Variants in DDX60 observed in about 807,000 individuals in gnomAD.
DDX60 encodes probable ATP-dependent RNA helicase DDX60.
Under a neutral mutation model 212.8 loss-of-function variants are expected in DDX60, and 165 were observed. That is an observed-to-expected ratio of 0.78 (90% CI 0.68 to 0.88). The LOEUF (loss-of-function observed/expected upper bound fraction) is 0.88. Ranked by LOEUF, DDX60 falls within the 40% of genes least tolerant of loss-of-function variation. The pLI, the probability that DDX60 is intolerant of heterozygous loss-of-function variation, is 0.00. For synonymous variants in DDX60, 703 were observed against 685.3 expected, an observed-to-expected ratio of 1.03 and a Z score of -0.40; for missense variants, 1,905 against 2,003.9, an observed-to-expected ratio of 0.95 and a Z score of 0.94.
intron 3 of DDX60, among the ~76,000 whole-genome samples, chr4:168,309,518 C>A (rs1737039344): frequency 6.6e-6 from 1 of 151,796 alleles, no homozygotes; most frequent in Non-Finnish European, 1.5e-5. Context: ...TTTTTTTAAT[C>A]TCACATTGAA....
At chr4:168,243,038 C>T (rs1011559767) in intron 30 of DDX60, among the ~76,000 whole-genome samples, 5 of 152,048 alleles carry the variant, frequency 3.3e-5, no homozygotes, top group African/African-American at 1.2e-4. Flanking sequence ...CTTGCACAAG[C>T]TCTCTCTCTC....
At position 168,270,100 on chromosome 4, in the gene DDX60, C is replaced by G. The variant is rs1279280134; in HGVS notation, c.2671-1131G>C. Among the ~76,000 whole-genome samples, 3 of 152,122 alleles carry G rather than the reference C, an allele frequency of 2.0e-5. No homozygotes were observed. In the East Asian group the frequency reaches 5.8e-4, roughly 29 times the overall value. The stretch of plus-strand genomic sequence containing the variant: ...TTTCTTGATTAAACTGCTGTCAGCT[C>G]CAGTGTCTAATAGATAAGGCATTAA... On this transcript the variant is annotated intron_variant, in intron 19 of 37. Coordinates refer to ENST00000393743, the MANE Select transcript of DDX60 (RefSeq NM_017631.6).
upstream of DDX60, among the ~76,000 whole-genome samples, chr4:168,319,251 T>C (rs1190244687): frequency 1.3e-5 from 2 of 151,972 alleles, no homozygotes; most frequent in African/African-American, 2.4e-5. Flanking sequence ...GCAATAAAAA[T>C]GGGCTTTGGA....
chr4:168,262,218 A>C (rs899236403), intron 23 of DDX60, 90 bp from the exon 24 acceptor site: 3 of 1,405,076 alleles, frequency 2.1e-6, no homozygotes, highest in Admixed American at 2.6e-5. Flanking sequence ...CAGCCTTACA[A>C]GTTTCTTGAG....
At chr4:168,289,767 C>T (rs1736007576) in intron 8 of DDX60, among the ~76,000 whole-genome samples, 2 of 152,108 alleles carry the variant, frequency 1.3e-5, no homozygotes, top group Non-Finnish European at 2.9e-5. Flanking sequence ...TATTTGACTC[C>T]TTCCTTTCCC....
In DDX60 at chr4:168,308,029, G is replaced by A; in HGVS notation, c.241C>T (p.Gln81Ter). 1.3e-6 allele frequency: 2 copies of A among 1,599,346 alleles called. No individual in the cohort carries two copies. Among genetic ancestry groups the A allele is most frequent in the Non-Finnish European group, 1.7e-6 (2 of 1,176,834 alleles). Reference sequence around the variant, plus strand: ...ACCTTGAAGAAAACTATGGTGAATTGTCCTCCTTTGCTAATAAGATCCACA... The same window carrying A: ...ACCTTGAAGAAAACTATGGTGAATTATCCTCCTTTGCTAATAAGATCCACA... The part of the protein sequence containing the change: ...YLVDLISKGG[Q>*]FTIVFFKDAE... Residue 81 changes from glutamine (Q) to a stop codon, truncating the protein, a stop_gained, in exon 4 of 38, where the codon CAA (glutamine) becomes TAA (stop). Transcript: ENST00000393743. LOFTEE classifies it high-confidence loss of function.
upstream of DDX60, among the ~76,000 whole-genome samples, chr4:168,322,398 C>G (rs1404734409): frequency 1.3e-5 from 2 of 152,170 alleles, no homozygotes; most frequent in African/African-American, 4.8e-5. Flanking sequence ...AATCTTGAGT[C>G]TCTTGACTCT....
At chr4:168,251,162 TGTC>T in intron 27 of DDX60, 56 bp from the exon 28 acceptor site, 1 of 1,497,860 alleles carries the variant, frequency 6.7e-7, no homozygotes. Flanking sequence ...TAATTAAAAA[TGTC>T]TAAATGAAAA....
chr4:168,307,225 C>T (rs1736923861), intron 4 of DDX60, among the ~76,000 whole-genome samples: 1 of 152,198 alleles, frequency 6.6e-6, no homozygotes, highest in Admixed American at 6.5e-5. Flanking sequence ...GGCAAGCATT[C>T]AGCCATGTTC....
chr4:168,311,468 C>T, intron 1 of DDX60, 103 bp from the exon 2 acceptor site: 2 of 519,864 alleles, frequency 3.8e-6, no homozygotes, highest in Non-Finnish European at 6.9e-6. Flanking sequence ...CAAGAATGAA[C>T]AAATCAACAT....
intron 22 of DDX60, among the ~76,000 whole-genome samples, chr4:168,264,653 T>C (rs892543586): frequency 2.6e-5 from 4 of 152,230 alleles, no homozygotes; most frequent in African/African-American, 9.6e-5. Flanking sequence ...AGATTTCTTA[T>C]GAGAATTATA....
intron 7 of DDX60, 126 bp downstream of exon 7, chr4:168,293,661 T>C: frequency 1.2e-6 from 1 of 855,842 alleles, no homozygotes; most frequent in Non-Finnish European, 1.8e-6. Context: ...CAGTTTTATT[T>C]TCTGAAGTTT....
At chr4:168,244,593 C>A (rs376576499) in intron 30 of DDX60, among the ~76,000 whole-genome samples, 1 of 151,964 alleles carries the variant, frequency 6.6e-6, no homozygotes, top group Non-Finnish European at 1.5e-5. Context: ...GGTGTGGTGG[C>A]GCATACCTGT....
At chr4:168,317,217 C>T (rs75069444) in intron 1 of DDX60, among the ~76,000 whole-genome samples, 6,262 of 151,954 alleles carry the variant, frequency 0.041, 268 homozygotes, top group Admixed American at 0.097. Context: ...CACACATAAA[C>T]ACACACCCAA....
chr4:168,220,906 G>A (rs993885713), intron 36 of DDX60, among the ~76,000 whole-genome samples, 189 bp from the exon 37 acceptor site: 1 of 152,062 alleles, frequency 6.6e-6, no homozygotes, highest in Non-Finnish European at 1.5e-5. Flanking sequence ...GAATTCAAGA[G>A]TTGAAATTTC....
At chr4:168,243,982 T>C (rs1231834306) in intron 30 of DDX60, among the ~76,000 whole-genome samples, 1 of 152,086 alleles carries the variant, frequency 6.6e-6, no homozygotes, top group Non-Finnish European at 1.5e-5. Flanking sequence ...GAAGCCATCA[T>C]CCTCAGAAAA....
chr4:168,253,610 T>C (rs73866521), intron 26 of DDX60, among the ~76,000 whole-genome samples: 9,312 of 152,228 alleles, frequency 0.061, 881 homozygotes, highest in African/African-American at 0.21. Flanking sequence ...TCTGGTGTCC[T>C]GGCATTCCCA....
At chr4:168,282,382 G>A (rs763979429) in intron 13 of DDX60, among the ~76,000 whole-genome samples, 4 of 152,068 alleles carry the variant, frequency 2.6e-5, no homozygotes, top group South Asian at 2.1e-4. Context: ...TCCACTGAAG[G>A]CTTGACAAAG....
chr4:168,283,200 A>G (rs537701880), intron 13 of DDX60, among the ~76,000 whole-genome samples: 1 of 152,274 alleles, frequency 6.6e-6, no homozygotes, highest in African/African-American at 2.4e-5. Context: ...TCAAAACTTT[A>G]GTCACTTAAT....
Sources: gnomAD v4.1 joint callset for allele counts (sites outside exome capture counted in the v4.1 genomes callset) on GRCh38, gnomAD v4.1.1 for gene constraint, MANE v1.5 for transcripts, NCBI Gene and HGNC (gene_info 2026-07-23, HGNC 2026-07-21) for gene names.